MIR2052HG: variants seen among roughly 807,000 people sequenced by gnomAD.
MIR2052HG encodes the protein MIR2052 host gene.
At chr8:74,725,041 C>T (rs746098405) in intron 4 of MIR2052HG, among the ~76,000 whole-genome samples, 21 of 151,920 alleles carry the variant, frequency 1.4e-4, no homozygotes, top group Non-Finnish European at 2.2e-4. Flanking sequence ...ATGGCAAGTC[C>T]GTATTAAATC....
chr8:74,642,316 T>G (rs556356208), intron 2 of MIR2052HG, among the ~76,000 whole-genome samples: 11 of 152,122 alleles, frequency 7.2e-5, no homozygotes, highest in African/African-American at 2.7e-4. Context: ...TGAAGAACTT[T>G]AGGAAGATTA....
intron 2 of MIR2052HG, among the ~76,000 whole-genome samples, chr8:74,662,894 G>GTGTGTGTGT (rs1483346820): frequency 7.0e-6 from 1 of 143,780 alleles, no homozygotes; most frequent in African/African-American, 2.6e-5. Flanking sequence ...GTGTGTGTGT[G>GTGTGTGTGT]GTATAATTTT....
intron 4 of MIR2052HG, among the ~76,000 whole-genome samples, chr8:74,752,255 C>T (rs1398466232): frequency 8.3e-5 from 12 of 144,786 alleles, no homozygotes; most frequent in Non-Finnish European, 1.8e-4. Flanking sequence ...TTATTCCAGC[C>T]TGGGTGACAG....
chr8:74,708,302 A>G lies in MIR2052HG; in HGVS notation n.371+4620A>G, dbSNP rs1809431191. ...AATGACTAATTTTAGTTGTATCACA[A>G]GGAAGCATTTTGTTCCAAACACAGT... On this transcript the variant is annotated intron_variant and non_coding_transcript_variant, in intron 4 of 6. Coordinates refer to ENST00000523442, the Ensembl canonical transcript of MIR2052HG. Among the ~76,000 whole-genome samples, 7 of 152,272 alleles carry G rather than the reference A, an allele frequency of 4.6e-5. No individual in the cohort carries two copies. In the South Asian group the frequency reaches 1.2e-3, roughly 27 times the overall value.
chr8:74,602,668 T>C (rs1400154039), intron 1 of MIR2052HG, among the ~76,000 whole-genome samples: 3 of 151,894 alleles, frequency 2.0e-5, no homozygotes, highest in African/African-American at 7.2e-5. Flanking sequence ...CATGCCACCA[T>C]GCCTGGCTAA....
intron 2 of MIR2052HG, among the ~76,000 whole-genome samples, chr8:74,634,833 A>G (rs757463720): frequency 4.6e-5 from 7 of 152,188 alleles, no homozygotes; most frequent in Non-Finnish European, 7.4e-5. Context: ...TATGCTAGTC[A>G]TGCTAGATTC....
At chr8:74,634,094 C>T (rs1808552405) in intron 2 of MIR2052HG, among the ~76,000 whole-genome samples, 1 of 152,160 alleles carries the variant, frequency 6.6e-6, no homozygotes, top group Non-Finnish European at 1.5e-5. Flanking sequence ...TCTCATTTTA[C>T]TATCTATTCT....
chr8:74,622,214 T>A (rs1808371450), intron 2 of MIR2052HG, among the ~76,000 whole-genome samples: 2 of 151,968 alleles, frequency 1.3e-5, no homozygotes, highest in Non-Finnish European at 2.9e-5. Context: ...GTCAAGAAAA[T>A]AAATAATCCA....
rs545559760 is a variant in MIR2052HG, at chr8:74,617,791, A to G, written n.216+4851A>G. On this transcript the variant is annotated intron_variant and non_coding_transcript_variant, in intron 2 of 6. Coordinates refer to ENST00000523442, the Ensembl canonical transcript of MIR2052HG. ...TCTTTGAAAATCTCCATAGTGTTCC[A>G]CAGAGGTTGTACTAGTTTACATTCC... is the stretch of plus-strand genomic sequence containing the variant. Among the ~76,000 whole-genome samples the G allele has an allele frequency of 4.6e-5, 7 of 152,312 alleles. No individual in the cohort carries two copies. The East Asian group carries it at 1.4e-3, about 29-fold the overall frequency.
Position 74,663,533 on chromosome 8 carries a change from A to G in MIR2052HG, n.217-38846A>G, listed in dbSNP as rs111676086. Among the ~76,000 whole-genome samples the G allele has an allele frequency of 8.4e-3, 1,286 of 152,352 alleles. 9 individuals carry two copies. Among genetic ancestry groups the G allele is most frequent in the South Asian group, 0.03 (145 of 4,822 alleles). ...GTTAGCTTTGCAAAGGAGAGAAAAG[A>G]TAAGTCACTTGCAGTCTGTTTTCCC... On this transcript the variant is annotated intron_variant and non_coding_transcript_variant, in intron 2 of 6. Coordinates refer to ENST00000523442, the Ensembl canonical transcript of MIR2052HG.
chr8:74,606,778 A>G (rs1808117607), intron 1 of MIR2052HG, among the ~76,000 whole-genome samples: 1 of 150,502 alleles, frequency 6.6e-6, no homozygotes, highest in African/African-American at 2.4e-5. Context: ...AATTCCTGTG[A>G]CCTATATAAT....
chr8:74,651,589 T>A (rs1808753700), intron 2 of MIR2052HG, among the ~76,000 whole-genome samples: 1 of 152,194 alleles, frequency 6.6e-6, no homozygotes, highest in South Asian at 2.1e-4. Context: ...AAAAATTTAG[T>A]AATTCAAGTT....
chr8:74,620,246 C>A (rs898113150), intron 2 of MIR2052HG, among the ~76,000 whole-genome samples: 1 of 152,246 alleles, frequency 6.6e-6, no homozygotes, highest in Non-Finnish European at 1.5e-5. Context: ...GCTTTCACTG[C>A]TGGCATTAAG....
At chr8:74,622,411 C>G (rs1317888722) in intron 2 of MIR2052HG, among the ~76,000 whole-genome samples, 1 of 152,086 alleles carries the variant, frequency 6.6e-6, no homozygotes, top group African/African-American at 2.4e-5. Context: ...CCAGACCAGC[C>G]TGGCCAACAT....
chr8:74,648,879 G>A (rs1432849427), intron 2 of MIR2052HG, among the ~76,000 whole-genome samples: 1 of 152,122 alleles, frequency 6.6e-6, no homozygotes, highest in Non-Finnish European at 1.5e-5. Context: ...GTGTCAACAT[G>A]AAGATTTGAT....
chr8:74,618,466 C>T lies in MIR2052HG; in HGVS notation n.216+5526C>T, dbSNP rs189003022. Among the ~76,000 whole-genome samples, 1,030 of 152,058 alleles carry T rather than the reference C, an allele frequency of 6.8e-3. 9 individuals are homozygous for T. The highest frequency in any genetic ancestry group is 0.023 in the African/African-American group (947 of 41,448). Reference sequence around the variant, plus strand: ...ATGTATAAATAATGATAATGAGAGCCGGAAGGGAGGGGGCTTATAGTACAT... The same window carrying T: ...ATGTATAAATAATGATAATGAGAGCTGGAAGGGAGGGGGCTTATAGTACAT... On this transcript the variant is annotated intron_variant and non_coding_transcript_variant, in intron 2 of 6. Transcript: ENST00000523442.
chr8:74,643,061 T>C (rs2128735433), intron 2 of MIR2052HG, among the ~76,000 whole-genome samples: 1 of 152,302 alleles, frequency 6.6e-6, no homozygotes, highest in Non-Finnish European at 1.5e-5. Context: ...ACCTTACACA[T>C]TTTCAGATAG....
At chr8:74,618,945 G>A (rs941288955) in intron 2 of MIR2052HG, among the ~76,000 whole-genome samples, 8 of 152,060 alleles carry the variant, frequency 5.3e-5, no homozygotes, top group Non-Finnish European at 1.0e-4. Flanking sequence ...ATTCAGTAAA[G>A]TTTCATTATA....
intron 2 of MIR2052HG, among the ~76,000 whole-genome samples, chr8:74,648,621 C>T (rs559095484): frequency 6.6e-6 from 1 of 152,230 alleles, no homozygotes. Flanking sequence ...GGAGGCCCAG[C>T]TGTAAAATTT....
Sources: gnomAD v4.1 joint callset for allele counts (sites outside exome capture counted in the v4.1 genomes callset) on GRCh38, gnomAD v4.1.1 for gene constraint, MANE v1.5 for transcripts, NCBI Gene and HGNC (gene_info 2026-07-23, HGNC 2026-07-21) for gene names.